Variants in DPYSL2 observed in about 807,000 individuals in gnomAD.
The protein encoded by DPYSL2 is dihydropyrimidinase-related protein 2.
In DPYSL2, 13 loss-of-function variants were observed where a neutral mutation model predicts 69.9. That is an observed-to-expected ratio of 0.19 (90% CI 0.12 to 0.30). DPYSL2 has a LOEUF of 0.30. DPYSL2 is among the 10% of genes least tolerant of loss of function. The pLI, the probability that DPYSL2 is intolerant of heterozygous loss-of-function variation, is 1.00. For missense variants in DPYSL2, 587 were observed against 918.9 expected, an observed-to-expected ratio of 0.64 and a Z score of 4.67; for synonymous variants, 326 against 359.1, an observed-to-expected ratio of 0.91 and a Z score of 1.04.
At chr8:26,553,434 T>C (rs1482160575) in intron 1 of DPYSL2, among the ~76,000 whole-genome samples, 1 of 152,194 alleles carries the variant, frequency 6.6e-6, no homozygotes, top group Non-Finnish European at 1.5e-5. Context: ...TGTGTCCATG[T>C]GTTTTCATCA....
intron 3 of DPYSL2, among the ~76,000 whole-genome samples, chr8:26,622,144 T>TC (rs1563413333): frequency 1.8e-5 from 1 of 55,394 alleles, no homozygotes; most frequent in African/African-American, 5.5e-5. Flanking sequence ...CTTCCTTCCT[T>TC]CCTTCCTTCC....
chr8:26,635,562 A>G (rs186988476), intron 8 of DPYSL2, among the ~76,000 whole-genome samples: 3 of 152,104 alleles, frequency 2.0e-5, no homozygotes, highest in African/African-American at 7.2e-5. Flanking sequence ...AATTTCGATA[A>G]TCACACTGCA....
intron 3 of DPYSL2, among the ~76,000 whole-genome samples, chr8:26,595,960 G>GTT (rs146776217): frequency 6.7e-6 from 1 of 149,506 alleles, no homozygotes; most frequent in Admixed American, 6.7e-5. Context: ...CTGGGAGTTT[G>GTT]TTTTTTTTTT....
chr8:26,535,344 T>G lies in DPYSL2; in HGVS notation c.354+20665T>G, dbSNP rs1340812755. Among the ~76,000 whole-genome samples, 6 of 152,228 alleles carry G rather than the reference T, an allele frequency of 3.9e-5. No individual in the cohort carries two copies. The East Asian group carries it at 1.2e-3, about 29-fold the overall frequency. ...TAGGGATTAGATTTGGCCATGTGAA[T>G]TTTAGGGGAACATGAAAATCCAGTC... On this transcript the variant is annotated intron_variant, in intron 1 of 13. Transcript: ENST00000521913.
At chr8:26,595,821 T>G (rs1801848237) in intron 3 of DPYSL2, among the ~76,000 whole-genome samples, 1 of 152,136 alleles carries the variant, frequency 6.6e-6, no homozygotes, top group African/African-American at 2.4e-5. Flanking sequence ...TCTTTTGTAG[T>G]GTCAAACCAA....
Position 26,514,239 on chromosome 8 carries a change from T to G in DPYSL2, c.-87T>G. 1 of 1,195,344 alleles carries G rather than the reference T, an allele frequency of 8.4e-7. No homozygotes were observed. The highest frequency in any genetic ancestry group is 1.1e-6 in the Non-Finnish European group (1 of 908,900). The allele number at this position is 1,195,344 out of a possible 1,614,324, so 74.0% of individuals were successfully genotyped here. A position where few individuals can be genotyped will look rare whatever the true frequency, so the allele number is the denominator to read the frequency against. ...GGCGAACGGCAGCCGCGGCAGCAGC[T>G]AGGGGGCTTGTGCACACAGCGAGGG... On this transcript the variant is annotated 5_prime_UTR_variant, in exon 1 of 14. Coordinates refer to ENST00000521913, the MANE Select transcript of DPYSL2 (RefSeq NM_001197293.3). The surrounding 1 kb of genome is among the most constrained non-coding windows in gnomAD (Gnocchi z 8.4).
At chr8:26,630,611 A>AG (rs78943812) in intron 7 of DPYSL2, among the ~76,000 whole-genome samples, 95,604 of 151,704 alleles carry the variant, frequency 0.63, 32,441 homozygotes, top group Non-Finnish European at 0.76. Context: ...CCACAACTCC[A>AG]GGGATGCCAT....
chr8:26,612,311 A>C (rs1045631115), intron 3 of DPYSL2, among the ~76,000 whole-genome samples: 2 of 152,260 alleles, frequency 1.3e-5, no homozygotes, highest in Non-Finnish European at 2.9e-5. Context: ...ACCATAGTTC[A>C]TCCAGTCATC....
intron 3 of DPYSL2, among the ~76,000 whole-genome samples, chr8:26,584,591 G>A (rs1292816331): frequency 1.4e-5 from 2 of 146,298 alleles, no homozygotes; most frequent in African/African-American, 2.5e-5. Flanking sequence ...TGCCCCTTAC[G>A]TATTGCTCCA....
chr8:26,567,948 CAG>C (rs1801178240), intron 1 of DPYSL2, among the ~76,000 whole-genome samples: 1 of 152,128 alleles, frequency 6.6e-6, no homozygotes, highest in African/African-American at 2.4e-5. Context: ...TCTGAAGAAA[CAG>C]AGAGAACTCC....
At chr8:26,592,685 C>G (rs1469347684) in intron 3 of DPYSL2, among the ~76,000 whole-genome samples, 1 of 151,724 alleles carries the variant, frequency 6.6e-6, no homozygotes, top group Non-Finnish European at 1.5e-5. Context: ...CCATGTTAGT[C>G]AGGCTGGTCA....
At chr8:26,625,240 A>G (rs1802588109) in intron 4 of DPYSL2, among the ~76,000 whole-genome samples, 1 of 152,212 alleles carries the variant, frequency 6.6e-6, no homozygotes, top group East Asian at 1.9e-4. Context: ...TTTCTCATAT[A>G]TGAGGGTCTT....
Position 26,625,717 on chromosome 8 carries a change from G to T in DPYSL2, c.794-900G>T, listed in dbSNP as rs73678823. ...AAGGCAGTCTGTCTGCCAAAGAAAA[G>T]ACATTTATCACAGTTCTTCATAGGC... On this transcript the variant is annotated intron_variant, in intron 4 of 13. Coordinates refer to ENST00000521913, the MANE Select transcript of DPYSL2 (RefSeq NM_001197293.3). Among the ~76,000 whole-genome samples the T allele has an allele frequency of 2.7e-3, 404 of 152,266 alleles. 4 individuals are homozygous for T. Among genetic ancestry groups the T allele is most frequent in the African/African-American group, 9.4e-3 (391 of 41,564 alleles).
At chr8:26,592,860 C>G (rs1168859384) in intron 3 of DPYSL2, among the ~76,000 whole-genome samples, 2 of 152,138 alleles carry the variant, frequency 1.3e-5, no homozygotes, top group Admixed American at 6.6e-5. Flanking sequence ...GGCTCTGACC[C>G]CAAGTCACCC....
Position 26,647,797 on chromosome 8 carries a change from C to T in DPYSL2, c.1593C>T (p.Asn531=). Residue 531 remains asparagine, a synonymous_variant, in exon 11 of 14, where the codon AAC becomes AAT. Coordinates refer to ENST00000521913, the MANE Select transcript of DPYSL2 (RefSeq NM_001197293.3). This position sits in a 1 kb window ranked among gnomAD's most constrained non-coding sequence, Gnocchi z 5.1. ...SVKTISAKTH[N]SSLEYNIFEG... ...AAACCATCTCTGCCAAGACACACAACAGCGTAAGACCTGTTAACTGTGCAG... is the reference window on the plus strand; with the variant it reads ...AAACCATCTCTGCCAAGACACACAATAGCGTAAGACCTGTTAACTGTGCAG... 1 of 1,612,214 alleles carries T rather than the reference C, an allele frequency of 6.2e-7. No individual in the cohort carries two copies. The highest frequency in any genetic ancestry group is 1.3e-5 in the African/African-American group (1 of 75,032).
chr8:26,621,781 CG>C lies in DPYSL2; in HGVS notation c.629-2358del, dbSNP rs1182888056. Among the ~76,000 whole-genome samples the C allele has an allele frequency of 6.6e-6, 1 of 151,954 alleles. No individual in the cohort carries two copies. Among genetic ancestry groups the C allele is most frequent in the Non-Finnish European group, 1.5e-5 (1 of 67,992 alleles). On this transcript the variant is annotated intron_variant, in intron 3 of 13. Transcript: ENST00000521913. This position sits in a 1 kb window ranked among gnomAD's most constrained non-coding sequence, Gnocchi z 4.9. ...TGGGCAGGTCAAAGTGAAGAATGGC[CG>C]GGGTGGCCATTGTGGGTGAGCAGGT... is the stretch of plus-strand genomic sequence containing the variant.
At chr8:26,646,280 A>G (rs1803162654) in intron 10 of DPYSL2, among the ~76,000 whole-genome samples, 1 of 151,928 alleles carries the variant, frequency 6.6e-6, no homozygotes, top group African/African-American at 2.4e-5. Context: ...AGAAATTTCT[A>G]CAAGTGGCAT....
Position 26,624,754 on chromosome 8 carries a change from A to C in DPYSL2, c.793+447A>C, listed in dbSNP as rs1331350666. ...TGGATCTAGGATAGATTTGAGGGCTATGAGACACTTCAAAACTGAGTGACA... is the reference window on the plus strand; with the variant it reads ...TGGATCTAGGATAGATTTGAGGGCTCTGAGACACTTCAAAACTGAGTGACA... On this transcript the variant is annotated intron_variant, in intron 4 of 13. Coordinates refer to ENST00000521913, the MANE Select transcript of DPYSL2 (RefSeq NM_001197293.3). The surrounding 1 kb of genome is among the most constrained non-coding windows in gnomAD (Gnocchi z 4.7). Among the ~76,000 whole-genome samples the C allele has an allele frequency of 2.0e-5, 3 of 152,170 alleles. No homozygotes were observed. Among genetic ancestry groups the C allele is most frequent in the Non-Finnish European group, 4.4e-5 (3 of 68,012 alleles).
At chr8:26,576,998 G>T in intron 1 of DPYSL2, 1 of 309,780 alleles carries the variant, frequency 3.2e-6, no homozygotes, top group Non-Finnish European at 6.4e-6. Context: ...CGCCACATCG[G>T]CCTCGGCGGG....
Sources: gnomAD v4.1 joint callset for allele counts (sites outside exome capture counted in the v4.1 genomes callset) on GRCh38, gnomAD v4.1.1 for gene constraint, Gnocchi (gnomAD v3.1) non-coding constraint, MANE v1.5 for transcripts, NCBI Gene and HGNC (gene_info 2026-07-23, HGNC 2026-07-21) for gene names.